Variants in ITGB6 observed in about 807,000 individuals in gnomAD.
The protein encoded by ITGB6 is integrin beta-6.
Under a neutral mutation model 84.5 loss-of-function variants are expected in ITGB6, and 80 were observed. That is an observed-to-expected ratio of 0.95 (90% CI 0.79 to 1.14). The LOEUF is 1.14. Among genes scored for constraint, ITGB6 ranks in the 50% most tolerant of loss-of-function variants. ITGB6 has a pLI of 0.00. For missense variants in ITGB6, 1,006 were observed against 968.0 expected, an observed-to-expected ratio of 1.04 and a Z score of -0.52; for synonymous variants, 383 against 354.9, an observed-to-expected ratio of 1.08 and a Z score of -0.89.
At chr2:160,189,232 C>A in intron 4 of ITGB6, among the ~76,000 whole-genome samples, 1 of 152,144 alleles carries the variant, frequency 6.6e-6, no homozygotes, top group African/African-American at 2.4e-5. Flanking sequence ...ACATGTTAGA[C>A]CTAAAACCAT....
chr2:160,199,734 C>G (rs1394690150), intron 1 of ITGB6, among the ~76,000 whole-genome samples: 5 of 152,192 alleles, frequency 3.3e-5, no homozygotes, highest in Non-Finnish European at 7.3e-5. Flanking sequence ...GGTTATCATA[C>G]TGGCACTAAG....
At position 160,126,541 on chromosome 2, in the gene ITGB6, C is replaced by G; in HGVS notation, c.1721G>C (p.Cys574Ser). Residue 574 changes from cysteine to serine, a missense_variant, in exon 11 of 15, where the codon TGC becomes TCC. Cys to Ser is a moderately radical substitution (Grantham distance 112). Transcript: ENST00000283249. The part of the protein sequence containing the change: ...VCRSGWTGEY[C>S]NCTTSTDSCV... ...GGAGTCCGTGCTGGTGGTGCAGTTG[C>G]AGTACTCGCCAGTCCAGCCGCTCCT... 6.2e-7 allele frequency: 1 copy of G among 1,614,020 alleles called. No homozygotes were observed. Among genetic ancestry groups the G allele is most frequent in the South Asian group, 1.1e-5 (1 of 91,068 alleles).
chr2:160,187,777 TTAAA>T (rs1158772492), intron 4 of ITGB6, among the ~76,000 whole-genome samples: 2 of 152,208 alleles, frequency 1.3e-5, no homozygotes, highest in Non-Finnish European at 2.9e-5. Context: ...ATTATAGTTA[TTAAA>T]TAAATCAGTA....
chr2:160,115,410 G>A (rs1682723260), intron 12 of ITGB6, among the ~76,000 whole-genome samples: 1 of 152,236 alleles, frequency 6.6e-6, no homozygotes, highest in Non-Finnish European at 1.5e-5. Flanking sequence ...AGGGTCTGGA[G>A]TGGACCTCTA....
rs541391223 is a variant in ITGB6, at chr2:160,101,066, C to G, written c.*670G>C. 2 of 151,968 alleles carry G rather than the reference C, an allele frequency of 1.3e-5. No individual in the cohort carries two copies. Among genetic ancestry groups the G allele is most frequent in the Non-Finnish European group, 2.9e-5 (2 of 67,972 alleles). The allele number at this position is 151,968 out of a possible 1,614,324, so 9.4% of individuals were successfully genotyped here. On this transcript the variant is annotated 3_prime_UTR_variant, in exon 15 of 15. Coordinates refer to ENST00000283249, the MANE Select transcript of ITGB6 (RefSeq NM_000888.5). ...ATAAGCTATATGATAGGGTTGTTAT[C>G]TTTTTATTTTTATAGGTAACTTCTT...
At chr2:160,192,301 C>A (rs1038735103) in intron 4 of ITGB6, among the ~76,000 whole-genome samples, 3 of 151,944 alleles carry the variant, frequency 2.0e-5, no homozygotes, top group African/African-American at 7.3e-5. Flanking sequence ...AGAATAGTGT[C>A]CAGAATTAGA....
intron 7 of ITGB6, among the ~76,000 whole-genome samples, chr2:160,149,335 A>G (rs1378422404): frequency 6.6e-6 from 1 of 152,228 alleles, no homozygotes; most frequent in African/African-American, 2.4e-5. Context: ...GAACTCCAGC[A>G]AACTCCAACA....
At chr2:160,174,744 A>G (rs779461058) in intron 4 of ITGB6, among the ~76,000 whole-genome samples, 3 of 152,246 alleles carry the variant, frequency 2.0e-5, no homozygotes, top group Non-Finnish European at 2.9e-5. Flanking sequence ...TTACAGTAGA[A>G]CACAAAGGGC....
chr2:160,109,263 C>T (rs1697027814), intron 13 of ITGB6, among the ~76,000 whole-genome samples: 1 of 152,298 alleles, frequency 6.6e-6, no homozygotes, highest in South Asian at 2.1e-4. Flanking sequence ...AATGACATAG[C>T]TATTACTGTA....
rs373385870 is a variant in ITGB6, at chr2:160,195,574, C to T, written c.388G>A (p.Asp130Asn). 7 of 1,614,014 alleles carry T rather than the reference C, an allele frequency of 4.3e-6. No homozygotes were observed. Among genetic ancestry groups the T allele is most frequent in the Non-Finnish European group, 5.9e-6 (7 of 1,180,010 alleles). Residue 130 changes from aspartate (D) to asparagine (N), a missense_variant, in exon 4 of 15, where the codon GAC becomes AAC. Transcript: ENST00000283249. Reference sequence around the variant, plus strand: ...AGGTAATACAAATCCACCGGGTAGTCCTCAGTCTGGCGGACATGCACCTGC... The same window carrying T: ...AGGTAATACAAATCCACCGGGTAGTTCTCAGTCTGGCGGACATGCACCTGC... Reference protein sequence around the residue: ...TLQVHVRQTEDYPVDLYYLMD... With the variant: ...TLQVHVRQTENYPVDLYYLMD...
intron 4 of ITGB6, among the ~76,000 whole-genome samples, chr2:160,183,691 T>C (rs1685776864): frequency 6.6e-6 from 1 of 152,164 alleles, no homozygotes; most frequent in Non-Finnish European, 1.5e-5. Flanking sequence ...ATATACATTC[T>C]TCTCAGCACC....
At chr2:160,113,445 C>T (rs1335332471) in intron 12 of ITGB6, among the ~76,000 whole-genome samples, 2 of 152,188 alleles carry the variant, frequency 1.3e-5, no homozygotes, top group Non-Finnish European at 2.9e-5. Context: ...TCTATGAAAA[C>T]AGGAACCAGC....
intron 7 of ITGB6, among the ~76,000 whole-genome samples, chr2:160,148,202 A>C (rs1174754047): frequency 6.6e-6 from 1 of 152,248 alleles, no homozygotes; most frequent in Non-Finnish European, 1.5e-5. Flanking sequence ...GGCATATGAA[A>C]AGATGCTCCA....
chr2:160,173,715 T>C (rs1685304276), intron 5 of ITGB6, among the ~76,000 whole-genome samples: 1 of 152,182 alleles, frequency 6.6e-6, no homozygotes, highest in South Asian at 2.1e-4. Flanking sequence ...AAATCAATCA[T>C]GCATAGCTAT....
At chr2:160,154,250 G>T (rs181256730) in intron 7 of ITGB6, among the ~76,000 whole-genome samples, 1 of 152,306 alleles carries the variant, frequency 6.6e-6, no homozygotes, top group East Asian at 1.9e-4. Flanking sequence ...ATACTATGCA[G>T]CCATAAAAAA....
chr2:160,172,523 C>T (rs759629905), intron 6 of ITGB6, 46 bp downstream of exon 6: 6 of 1,515,190 alleles, frequency 4.0e-6, no homozygotes, highest in African/African-American at 1.4e-5. Flanking sequence ...TTGCTTCGTT[C>T]TCCTACTTAT....
intron 1 of ITGB6, among the ~76,000 whole-genome samples, 192 bp downstream of exon 1, chr2:160,199,811 T>A (rs1686486155): frequency 6.6e-6 from 1 of 152,230 alleles, no homozygotes; most frequent in Non-Finnish European, 1.5e-5. Flanking sequence ...TGTATTTATT[T>A]ACCTTAAGCC....
intron 6 of ITGB6, among the ~76,000 whole-genome samples, chr2:160,171,843 G>T (rs1256027647): frequency 6.6e-6 from 1 of 152,212 alleles, no homozygotes; most frequent in African/African-American, 2.4e-5. Context: ...AGAGGTCAAA[G>T]AAGGCTCTCT....
intron 10 of ITGB6, among the ~76,000 whole-genome samples, chr2:160,127,345 A>G (rs1683281073): frequency 6.6e-6 from 1 of 152,214 alleles, no homozygotes; most frequent in African/African-American, 2.4e-5. Context: ...CTGCATAATA[A>G]GAACCCTGTT....
Sources: gnomAD v4.1 joint callset for allele counts (sites outside exome capture counted in the v4.1 genomes callset) on GRCh38, gnomAD v4.1.1 for gene constraint, MANE v1.5 for transcripts, NCBI Gene and HGNC (gene_info 2026-07-23, HGNC 2026-07-21) for gene names.